NELL1: variants seen among roughly 807,000 people sequenced by gnomAD.
NELL1 encodes neural EGFL like 1.
Under a neutral mutation model 107.4 loss-of-function variants are expected in NELL1, and 76 were observed. The ratio of observed to expected loss-of-function variants is 0.71; its 90% CI spans 0.59 to 0.86. NELL1 has a LOEUF of 0.86. Ranked by LOEUF, NELL1 falls within the 40% of genes least tolerant of loss-of-function variation. The pLI, the probability that NELL1 is intolerant of heterozygous loss-of-function variation, is 0.00. For synonymous variants in NELL1, 353 were observed against 341.2 expected (o/e 1.03, Z -0.38); for missense variants, 1,024 against 1,005.5 (o/e 1.02, Z -0.25).
chr11:21,438,230 C>T (rs1475356793), intron 15 of NELL1, among the ~76,000 whole-genome samples: 5 of 150,328 alleles, frequency 3.3e-5, no homozygotes, highest in African/African-American at 1.2e-4. Context: ...TGAAGGATAG[C>T]TTTACTGGTG....
intron 8 of NELL1, among the ~76,000 whole-genome samples, chr11:20,928,126 C>A (rs1447904720): frequency 6.6e-6 from 1 of 152,108 alleles, no homozygotes; most frequent in Non-Finnish European, 1.5e-5. Flanking sequence ...TTTTTGTTTT[C>A]TGCATAATCT....
intron 12 of NELL1, among the ~76,000 whole-genome samples, chr11:21,077,354 AT>A (rs1854160851): frequency 6.6e-6 from 1 of 152,198 alleles, no homozygotes; most frequent in South Asian, 2.1e-4. Context: ...TCAGAATGCT[AT>A]AAAAAGCCAA....
chr11:21,156,610 A>G (rs1856241496), intron 13 of NELL1, among the ~76,000 whole-genome samples: 1 of 152,300 alleles, frequency 6.6e-6, no homozygotes, highest in African/African-American at 2.4e-5. Context: ...ATTACTTCAA[A>G]GAGATGGCAG....
chr11:21,301,252 A>T (rs966041396), intron 14 of NELL1, among the ~76,000 whole-genome samples: 4 of 152,154 alleles, frequency 2.6e-5, no homozygotes, highest in African/African-American at 9.7e-5. Flanking sequence ...TCCTTTGGGT[A>T]TATACCCAGT....
chr11:21,055,172 A>G (rs1004929151), intron 12 of NELL1, among the ~76,000 whole-genome samples: 2 of 152,064 alleles, frequency 1.3e-5, no homozygotes, highest in African/African-American at 2.4e-5. Flanking sequence ...TATTATATGG[A>G]AAAAATTATG....
chr11:20,699,463 C>G (rs527757082), intron 2 of NELL1, among the ~76,000 whole-genome samples: 36 of 152,074 alleles, frequency 2.4e-4, no homozygotes, highest in Non-Finnish European at 3.8e-4. Context: ...TGGGTTCAAA[C>G]GACTCCTCTG....
chr11:21,117,251 A>G lies in NELL1; in HGVS notation c.1426+3537A>G, dbSNP rs925421009. On this transcript the variant is annotated intron_variant, in intron 13 of 19. Coordinates refer to ENST00000357134, the MANE Select transcript of NELL1 (RefSeq NM_006157.5). ...GTTTTCTGTCATACCACCTGATTTT[A>G]GTTCTCTGAGTAATACATATTATTA... Among the ~76,000 whole-genome samples, 15 of 151,976 alleles carry G rather than the reference A, an allele frequency of 9.9e-5. 1 individual carries two copies.
At chr11:21,500,179 G>A (rs1357550409) in intron 15 of NELL1, among the ~76,000 whole-genome samples, 1 of 151,922 alleles carries the variant, frequency 6.6e-6, no homozygotes, top group Non-Finnish European at 1.5e-5. Context: ...TCTTCCTTTT[G>A]TAGCCTCTAG....
Position 21,514,091 on chromosome 11 carries a change from G to C in NELL1, c.1646-20283G>C, listed in dbSNP as rs186561908. ...CAACTCGATTGCAAATGATTGACCT[G>C]GCAGTGTCATTTAGTTAGCACAGAA... On this transcript the variant is annotated intron_variant, in intron 15 of 19. Coordinates refer to ENST00000357134, the MANE Select transcript of NELL1 (RefSeq NM_006157.5). Among the ~76,000 whole-genome samples the C allele has an allele frequency of 1.1e-4, 16 of 152,222 alleles. No homozygotes were observed. In the East Asian group the frequency reaches 3.1e-3, roughly 29 times the overall value.
chr11:21,362,927 T>A (rs986874974), intron 14 of NELL1, among the ~76,000 whole-genome samples: 1 of 152,136 alleles, frequency 6.6e-6, no homozygotes, highest in African/African-American at 2.4e-5. Context: ...CTTGGCCACC[T>A]CTGCTGTGTT....
intron 10 of NELL1, among the ~76,000 whole-genome samples, chr11:20,946,385 TA>T (rs944339016): frequency 6.6e-6 from 1 of 152,256 alleles, no homozygotes; most frequent in Admixed American, 6.5e-5. Flanking sequence ...TCAGCATTTT[TA>T]AAAAAATAGT....
chr11:21,392,129 T>G (rs1420375888), intron 15 of NELL1, among the ~76,000 whole-genome samples: 1 of 151,838 alleles, frequency 6.6e-6, no homozygotes, highest in Non-Finnish European at 1.5e-5. Flanking sequence ...ATAGTATTTC[T>G]GCTCTCAACT....
chr11:20,752,347 C>T (rs957131944), intron 2 of NELL1, among the ~76,000 whole-genome samples: 4 of 152,180 alleles, frequency 2.6e-5, no homozygotes, highest in African/African-American at 7.2e-5. Flanking sequence ...GTTGGGAGTT[C>T]GAGACCAGCC....
rs116191158 is a variant in NELL1 at position 21,561,324 on chromosome 11, C to A, written c.1980+942C>A. Among the ~76,000 whole-genome samples, 879 of 152,150 alleles carry A rather than the reference C, an allele frequency of 5.8e-3. 9 individuals carry two copies. Among genetic ancestry groups the A allele is most frequent in the African/African-American group, 0.02 (829 of 41,548 alleles). ...CACACATCCACAGACCTGGGGCCACCTAGTTAGGAGGGCCACATTATCAAG... is the reference window on the plus strand; with the variant it reads ...CACACATCCACAGACCTGGGGCCACATAGTTAGGAGGGCCACATTATCAAG... On this transcript the variant is annotated intron_variant, in intron 17 of 19. Coordinates refer to ENST00000357134, the MANE Select transcript of NELL1 (RefSeq NM_006157.5).
At chr11:21,302,055 T>G (rs946180356) in intron 14 of NELL1, among the ~76,000 whole-genome samples, 1 of 152,056 alleles carries the variant, frequency 6.6e-6, no homozygotes, top group East Asian at 1.9e-4. Flanking sequence ...CTTGCTCATC[T>G]TCTCCTCTGT....
intron 5 of NELL1, among the ~76,000 whole-genome samples, chr11:20,893,663 G>GAAGAGA (rs1001908983): frequency 1.1e-4 from 16 of 151,200 alleles, no homozygotes; most frequent in Non-Finnish European, 1.8e-4. Flanking sequence ...AATAAGGTAA[G>GAAGAGA]AAGAGAAATA....
chr11:21,399,715 T>C (rs764921644), intron 15 of NELL1, among the ~76,000 whole-genome samples: 41 of 151,760 alleles, frequency 2.7e-4, no homozygotes, highest in Non-Finnish European at 4.7e-4. Context: ...ACGGCAGACC[T>C]AGGGCTTGAA....
chr11:21,094,239 C>T (rs1258843549), intron 12 of NELL1, among the ~76,000 whole-genome samples: 4 of 152,244 alleles, frequency 2.6e-5, no homozygotes, highest in African/African-American at 7.2e-5. Flanking sequence ...TCCTTGGACT[C>T]CATGTCTCAC....
chr11:21,458,409 T>C (rs1853805696), intron 15 of NELL1, among the ~76,000 whole-genome samples: 1 of 152,136 alleles, frequency 6.6e-6, no homozygotes, highest in African/African-American at 2.4e-5. Flanking sequence ...TAAAGATTTA[T>C]GTACAAAGAT....
Sources: gnomAD v4.1 joint callset for allele counts (sites outside exome capture counted in the v4.1 genomes callset) on GRCh38, gnomAD v4.1.1 for gene constraint, MANE v1.5 for transcripts, NCBI Gene and HGNC (gene_info 2026-07-23, HGNC 2026-07-21) for gene names.